MAP3K15: variants seen among roughly 807,000 people sequenced by gnomAD.
The protein encoded by MAP3K15 is MAPK/ERK kinase kinase 15.
A neutral mutation model predicts 99.5 loss-of-function variants in MAP3K15; 124 were observed. The observed-to-expected ratio is 1.25, with a 90% CI of 1.08 to 1.45. The LOEUF is 1.45. MAP3K15 is among the 40% of genes most tolerant of loss of function. The pLI is 0.00. For synonymous variants in MAP3K15, 494 were observed against 439.6 expected, an observed-to-expected ratio of 1.12 and a Z score of -1.55; for missense variants, 1,242 against 1,079.7, an observed-to-expected ratio of 1.15 and a Z score of -2.11.
chrX:19,419,278 T>A (rs1174926016), intron 9 of MAP3K15, among the ~76,000 whole-genome samples: 3 of 111,218 alleles, frequency 2.7e-5, no homozygotes, highest in Non-Finnish European at 3.8e-5. Flanking sequence ...ATCAGTGTGC[T>A]GTATTCAGGA....
At chrX:19,411,828 G>A (rs145361627) in intron 11 of MAP3K15, among the ~76,000 whole-genome samples, 1,390 of 111,667 alleles carry the variant, frequency 0.012, 23 homozygotes, top group African/African-American at 0.043. Context: ...CGGGATGGGA[G>A]TAGAAGAGGA....
intron 24 of MAP3K15, among the ~76,000 whole-genome samples, chrX:19,370,072 G>A (rs1450104599): frequency 8.9e-6 from 1 of 111,802 alleles, no homozygotes; most frequent in Non-Finnish European, 1.9e-5. Flanking sequence ...CAGTGCATTC[G>A]GGAGGGTGGG....
intron 6 of MAP3K15, among the ~76,000 whole-genome samples, chrX:19,452,972 A>C (rs1188223940): frequency 9.0e-6 from 1 of 110,915 alleles, no homozygotes; most frequent in Non-Finnish European, 1.9e-5. Flanking sequence ...GATTTCACTT[A>C]TATGAGGTAC....
rs1891750176 is a variant in MAP3K15 at position 19,431,573 on chromosome X, T to C, written c.1031A>G (p.Gln344Arg). The change falls in exon 7 of 29, where the codon CAG becomes CGG. Residue 344 changes from glutamine (Q) to arginine (R), a missense_variant. Physicochemically the swap from Gln to Arg is conservative, Grantham distance 43. Coordinates refer to ENST00000338883, the MANE Select transcript of MAP3K15 (RefSeq NM_001001671.4). ...GCTCTGCAGAACCTGGAGCATGATCTGCAGAGCCTTCTCACGGTCACCTGT... is the reference window on the plus strand; with the variant it reads ...GCTCTGCAGAACCTGGAGCATGATCCGCAGAGCCTTCTCACGGTCACCTGT... ...NSTGDREKAL[Q>R]IMLQVLQSCD... 4 of 1,199,630 alleles carry C rather than the reference T, an allele frequency of 3.3e-6. No individual in the cohort carries two copies. The highest frequency in any genetic ancestry group is 3.4e-6 in the Non-Finnish European group (3 of 894,788).
rs2063704764 is a variant in MAP3K15 at position 19,413,370 on chromosome X, G to A, written c.1685C>T (p.Ser562Leu). Residue 562 changes from serine to leucine, a missense_variant, in exon 11 of 29, where the codon TCA becomes TTA. Physicochemically the swap from Ser to Leu is moderately radical, Grantham distance 145. Coordinates refer to ENST00000338883, the MANE Select transcript of MAP3K15 (RefSeq NM_001001671.4). ...EERTVSLWHVSPTEMKQMHEW... is the reference protein window; with the variant it reads ...EERTVSLWHVLPTEMKQMHEW... ...TTTCCTCCTTACCATTTCTGTGGGTGAGACATGCCATAAAGAAACTGTTCT... is the reference window on the plus strand; with the variant it reads ...TTTCCTCCTTACCATTTCTGTGGGTAAGACATGCCATAAAGAAACTGTTCT... 7 of 1,197,598 alleles carry A rather than the reference G, an allele frequency of 5.8e-6. No homozygotes were observed. Among genetic ancestry groups the A allele is most frequent in the Non-Finnish European group, 7.9e-6 (7 of 885,166 alleles).
intron 1 of MAP3K15, among the ~76,000 whole-genome samples, 151 bp from the exon 2 acceptor site, chrX:19,489,118 T>C (rs1165190592): frequency 1.8e-5 from 2 of 111,729 alleles, no homozygotes; most frequent in Non-Finnish European, 3.8e-5. Context: ...AAAATTACCC[T>C]ATGAACTGTG....
At chrX:19,407,449 G>A (rs746258261) in intron 12 of MAP3K15, among the ~76,000 whole-genome samples, 166 bp from the exon 13 acceptor site, 2 of 111,638 alleles carry the variant, frequency 1.8e-5, no homozygotes, top group Non-Finnish European at 3.8e-5. Context: ...TTAAATACCA[G>A]AGACATTTAT....
chrX:19,425,180 T>C (rs1052750624), intron 9 of MAP3K15, among the ~76,000 whole-genome samples: 6 of 112,068 alleles, frequency 5.4e-5, no homozygotes, highest in African/African-American at 1.9e-4. Flanking sequence ...TTTTCATTTG[T>C]GATAAACATT....
chrX:19,468,199 G>T, intron 3 of MAP3K15, among the ~76,000 whole-genome samples: 1 of 112,266 alleles, frequency 8.9e-6, no homozygotes, highest in Non-Finnish European at 1.9e-5. Flanking sequence ...GCAATTAAGA[G>T]AAGGCTGGTA....
intron 11 of MAP3K15, 93 bp from the exon 12 acceptor site, chrX:19,410,066 T>G: frequency 1.3e-6 from 1 of 743,861 alleles, no homozygotes; most frequent in Non-Finnish European, 2.0e-6. Context: ...TTTCTGCTAT[T>G]TTACCTGCAG....
chrX:19,363,186 T>C (rs2063307170), intron 25 of MAP3K15, among the ~76,000 whole-genome samples: 1 of 112,085 alleles, frequency 8.9e-6, no homozygotes, highest in Admixed American at 9.5e-5. Flanking sequence ...GTGATGGTGT[T>C]AGGAGACGGA....
chrX:19,464,546 T>A (rs1352132409), intron 3 of MAP3K15, 140 bp from the exon 4 acceptor site: 9 of 457,447 alleles, frequency 2.0e-5, no homozygotes, highest in African/African-American at 2.4e-5. Flanking sequence ...ATGGATCTAT[T>A]AGGCACAAAA....
chrX:19,512,440 T>C (rs2064525900), intron 1 of MAP3K15, among the ~76,000 whole-genome samples: 1 of 111,685 alleles, frequency 9.0e-6, no homozygotes, highest in African/African-American at 3.3e-5. Flanking sequence ...AACTTCACTG[T>C]CCCACCTGGG....
chrX:19,515,083 G>C lies in MAP3K15; in HGVS notation c.179C>G (p.Ala60Gly). 1 of 861,631 alleles carries C rather than the reference G, an allele frequency of 1.2e-6. No homozygotes were observed. Among genetic ancestry groups the C allele is most frequent in the Non-Finnish European group, 1.5e-6 (1 of 667,355 alleles). 71.0% of individuals were successfully genotyped at this position (861,631 alleles called of 1,213,427 possible). Residue 60 changes from alanine to glycine, a missense_variant, in exon 1 of 29, where the codon GCT (alanine) becomes GGT (glycine). Ala to Gly is a moderately conservative substitution (Grantham distance 60). Transcript: ENST00000338883. ...EGESGGGPRR[A>G]LRAVYVRSES... is the part of the protein sequence containing the mutation. ...ACTGCGCACGTATACTGCCCGCAGA[G>C]CCCGCCGCGGCCCGCCCCCACTCTC...
intron 12 of MAP3K15, among the ~76,000 whole-genome samples, chrX:19,408,866 A>C (rs2063666573): frequency 9.0e-6 from 1 of 110,966 alleles, no homozygotes; most frequent in Non-Finnish European, 1.9e-5. Flanking sequence ...GTGTGGCCAC[A>C]AATACTGTGT....
chrX:19,423,427 ATCTTGACTCT>A (rs2063803421), intron 9 of MAP3K15, among the ~76,000 whole-genome samples: 1 of 110,073 alleles, frequency 9.1e-6, no homozygotes, highest in East Asian at 2.9e-4. Context: ...ATGTTATGAC[ATCTTGACTCT>A]GACCACACCT....
At chrX:19,503,057 T>C (rs2064450943) in intron 1 of MAP3K15, among the ~76,000 whole-genome samples, 1 of 111,198 alleles carries the variant, frequency 9.0e-6, no homozygotes, top group Non-Finnish European at 1.9e-5. Context: ...TAGCAGGGCA[T>C]ATAGAGAGAA....
In MAP3K15 at chrX:19,391,488, G is replaced by A. The variant is rs763557818; in HGVS notation, c.2431+514C>T. Reference sequence around the variant, plus strand: ...AGGTCAGGAGTTCGAGACCAGCCTGGTCAACATGGTGAAACCTCGTCTCTA... The same window carrying A: ...AGGTCAGGAGTTCGAGACCAGCCTGATCAACATGGTGAAACCTCGTCTCTA... On this transcript the variant is annotated intron_variant, in intron 18 of 28. Transcript: ENST00000338883. Among the ~76,000 whole-genome samples, 111 of 108,244 alleles carry A rather than the reference G, an allele frequency of 1.0e-3. 1 individual carries two copies. Among genetic ancestry groups the A allele is most frequent in the African/African-American group, 3.5e-3 (105 of 29,802 alleles). 94.0% of individuals were successfully genotyped at this position (108,244 alleles called of 115,157 possible). A position where few individuals can be genotyped will look rare whatever the true frequency, so the allele number is the denominator to read the frequency against.
chrX:19,464,188 G>A (rs1379720888), intron 4 of MAP3K15, 25 bp downstream of exon 4: 1 of 1,163,598 alleles, frequency 8.6e-7, no homozygotes, highest in South Asian at 1.8e-5. Context: ...GTCTCCAGGG[G>A]TTACTGGTGG....
Sources: gnomAD v4.1 joint callset for allele counts (sites outside exome capture counted in the v4.1 genomes callset) on GRCh38, gnomAD v4.1.1 for gene constraint, MANE v1.5 for transcripts, NCBI Gene and HGNC (gene_info 2026-07-23, HGNC 2026-07-21) for gene names.